Variants in TNR observed in about 807,000 individuals in gnomAD.
The protein encoded by TNR is tenascin-R.
Under a neutral mutation model 150.4 loss-of-function variants are expected in TNR, and 45 were observed. The observed-to-expected ratio is 0.30, with a 90% confidence interval of 0.24 to 0.38. TNR has a LOEUF of 0.38. Ranked by LOEUF, TNR falls within the 10% of genes least tolerant of loss-of-function variation. The probability of loss-of-function intolerance (pLI) is 1.00; values close to 1 mark genes in which losing one functional copy is unlikely to be tolerated. For synonymous variants in TNR, 687 were observed against 678.4 expected, an observed-to-expected ratio of 1.01 and a Z score of -0.20; for missense variants, 1,544 against 1,759.1, an observed-to-expected ratio of 0.88 and a Z score of 2.19.
At chr1:175,329,969 G>T in intron 21 of TNR, 105 bp downstream of exon 21, 1 of 1,248,524 alleles carries the variant, frequency 8.0e-7, no homozygotes. Flanking sequence ...GCGAATGCTG[G>T]AACTCTGTGG....
At chr1:175,412,641 C>G (rs1654260557) in intron 2 of TNR, among the ~76,000 whole-genome samples, 1 of 152,026 alleles carries the variant, frequency 6.6e-6, no homozygotes, top group Non-Finnish European at 1.5e-5. Context: ...TGAGATCCCC[C>G]AATGTGTCCC....
At chr1:175,592,145 G>A (rs1010202429) in intron 1 of TNR, among the ~76,000 whole-genome samples, 2 of 152,046 alleles carry the variant, frequency 1.3e-5, no homozygotes, top group African/African-American at 2.4e-5. Flanking sequence ...TTGTAAGATG[G>A]GAATAATAAT....
At chr1:175,493,174 C>A (rs903347732) in intron 2 of TNR, among the ~76,000 whole-genome samples, 1 of 151,906 alleles carries the variant, frequency 6.6e-6, no homozygotes, top group African/African-American at 2.4e-5. Context: ...CAGGGTTGCA[C>A]GGAGCCCAGA....
chr1:175,500,506 T>A (rs1658687279), intron 2 of TNR, among the ~76,000 whole-genome samples: 1 of 152,162 alleles, frequency 6.6e-6, no homozygotes, highest in African/African-American at 2.4e-5. Flanking sequence ...CAGGAGGCTG[T>A]GCGGGCAGGG....
At chr1:175,445,155 A>T (rs1286943315) in intron 2 of TNR, among the ~76,000 whole-genome samples, 1 of 152,202 alleles carries the variant, frequency 6.6e-6, no homozygotes, top group Non-Finnish European at 1.5e-5. Flanking sequence ...CTGTAGTCCC[A>T]GCTACTCGGG....
intron 2 of TNR, among the ~76,000 whole-genome samples, chr1:175,524,322 G>A (rs1659767535): frequency 1.3e-5 from 2 of 152,122 alleles, no homozygotes; most frequent in Non-Finnish European, 2.9e-5. Flanking sequence ...ATAGGATTCA[G>A]GGATAAGTAA....
intron 2 of TNR, among the ~76,000 whole-genome samples, chr1:175,474,926 C>T (rs1271945962): frequency 6.6e-6 from 1 of 152,222 alleles, no homozygotes; most frequent in African/African-American, 2.4e-5. Context: ...ACTTCATCAA[C>T]TGTTGTGAAG....
Position 175,356,318 on chromosome 1 carries a change from C to T in TNR, c.3118+1G>A. Reference sequence around the variant, plus strand: ...GGGTATGTAGGTGACCATGTACTCACGAGTAGAAAAGTTGGTGCTGATGGT... The same window carrying T: ...GGGTATGTAGGTGACCATGTACTCATGAGTAGAAAAGTTGGTGCTGATGGT... On this transcript the variant is annotated splice_donor_variant, in intron 16 of 22. Coordinates refer to ENST00000367674, the MANE Select transcript of TNR (RefSeq NM_003285.3). LOFTEE classifies it high-confidence loss of function. The T allele has an allele frequency of 3.1e-6, 5 of 1,613,884 alleles. No homozygotes were observed. The highest frequency in any genetic ancestry group is 4.2e-6 in the Non-Finnish European group (5 of 1,179,896).
chr1:175,581,840 A>C (rs904194317), intron 1 of TNR, among the ~76,000 whole-genome samples: 1 of 152,196 alleles, frequency 6.6e-6, no homozygotes, highest in Non-Finnish European at 1.5e-5. Context: ...CATTACTAGT[A>C]TATCTAGAAG....
At chr1:175,516,514 G>A (rs763061911) in intron 2 of TNR, among the ~76,000 whole-genome samples, 36 of 152,178 alleles carry the variant, frequency 2.4e-4, no homozygotes, top group Admixed American at 1.9e-3. Flanking sequence ...AGAAATGACC[G>A]TGCTCATGAT....
rs147930858 is a variant in TNR at position 175,323,409 on chromosome 1, G to A, written c.4025C>T (p.Pro1342Leu). Residue 1342 changes from proline (P) to leucine (L), a missense_variant, in exon 23 of 23, where the codon CCC (proline) becomes CTC (leucine). Physicochemically the swap from Pro to Leu is moderately conservative, Grantham distance 98 (BLOSUM62 -3). This residue lies in a region of TNR where 290 missense variants were observed against 429.7 expected (regional missense o/e 0.67). Coordinates refer to ENST00000367674, the MANE Select transcript of TNR (RefSeq NM_003285.3). ...CCCTGCCATGAGACGGTGGTTGTAG[G>A]GGCGCATCTTCATTTCCACAAAGGG... Reference protein sequence around the residue: ...SIPFVEMKMRPYNHRLMAGRK... With the variant: ...SIPFVEMKMRLYNHRLMAGRK... 7 of 1,613,938 alleles carry A rather than the reference G, an allele frequency of 4.3e-6. No homozygotes were observed. The highest frequency in any genetic ancestry group is 5.9e-6 in the Non-Finnish European group (7 of 1,179,976).
chr1:175,717,377 A>G (rs996232286), intron 1 of TNR, among the ~76,000 whole-genome samples: 8 of 152,148 alleles, frequency 5.3e-5, no homozygotes, highest in Non-Finnish European at 1.2e-4. Flanking sequence ...CATACCCCAA[A>G]CCTCAGCATC....
At chr1:175,374,772 T>G (rs1553211117) in intron 9 of TNR, among the ~76,000 whole-genome samples, 1 of 152,200 alleles carries the variant, frequency 6.6e-6, no homozygotes, top group Non-Finnish European at 1.5e-5. Flanking sequence ...GCAGGTGCCC[T>G]GTGGAGTGGG....
intron 1 of TNR, among the ~76,000 whole-genome samples, chr1:175,687,728 G>A (rs571017565): frequency 2.0e-5 from 3 of 151,866 alleles, no homozygotes; most frequent in East Asian, 1.9e-4. Context: ...TCCCCACACC[G>A]AGAAAACATG....
intron 1 of TNR, among the ~76,000 whole-genome samples, chr1:175,598,093 CA>C (rs1485949345): frequency 1.3e-5 from 2 of 152,080 alleles, no homozygotes; most frequent in African/African-American, 4.8e-5. Context: ...ATGCCGAGAA[CA>C]ATATAAGGCA....
chr1:175,711,096 T>C (rs1451859058), intron 1 of TNR, among the ~76,000 whole-genome samples: 1 of 152,146 alleles, frequency 6.6e-6, no homozygotes, highest in Admixed American at 6.5e-5. Context: ...CCTTCTGACA[T>C]TGGTTTCTCC....
intron 2 of TNR, among the ~76,000 whole-genome samples, chr1:175,521,519 T>C (rs1659638745): frequency 6.6e-6 from 1 of 152,248 alleles, no homozygotes; most frequent in Non-Finnish European, 1.5e-5. Context: ...CTCTAAATTG[T>C]TGGTCTTTGG....
rs146141048 is a variant in TNR at position 175,590,926 on chromosome 1, G to A, written c.-164-62557C>T. ...CGCTGAGGATCTCACGCTAGTTATA[G>A]CAGACAGGGCAAGTCATACAGGAAA... On this transcript the variant is annotated intron_variant, in intron 1 of 22. Transcript: ENST00000367674. Among the ~76,000 whole-genome samples, 1,037 of 152,304 alleles carry A rather than the reference G, an allele frequency of 6.8e-3. 7 individuals are homozygous for A. The highest frequency in any genetic ancestry group is 0.011 in the Non-Finnish European group (748 of 68,024).
At chr1:175,621,963 T>C (rs1663990874) in intron 1 of TNR, among the ~76,000 whole-genome samples, 1 of 152,262 alleles carries the variant, frequency 6.6e-6, no homozygotes, top group Admixed American at 6.5e-5. Flanking sequence ...AGTTATTTTA[T>C]CTCTGCAGGT....
Sources: gnomAD v4.1 joint callset for allele counts (sites outside exome capture counted in the v4.1 genomes callset) on GRCh38, gnomAD v4.1.1 for gene constraint, gnomAD v4.1.1 regional missense constraint, MANE v1.5 for transcripts, NCBI Gene and HGNC (gene_info 2026-07-23, HGNC 2026-07-21) for gene names.